Variants in ASIC2 observed in about 807,000 individuals in gnomAD.
ASIC2 encodes the protein acid-sensing ion channel 2.
A neutral mutation model predicts 57.3 loss-of-function variants in ASIC2; 25 were observed. The ratio of observed to expected loss-of-function variants is 0.44; its 90% CI spans 0.32 to 0.61. The LOEUF (loss-of-function observed/expected upper bound fraction) is 0.61. Among genes scored for constraint, ASIC2 ranks in the 20% least tolerant of loss-of-function variants. The pLI, the probability that ASIC2 is intolerant of heterozygous loss-of-function variation, is 0.06. For missense variants in ASIC2, 641 were observed against 738.1 expected (o/e 0.87, Z 1.52); for synonymous variants, 319 against 307.5 (o/e 1.04, Z -0.39).
In ASIC2 at chr17:34,036,687, T is replaced by G. The variant is rs1044906184; in HGVS notation, c.555+119291A>C. The G allele has an allele frequency of 8.2e-4, 116 of 141,848 alleles. 3 individuals carry two copies. The highest frequency in any genetic ancestry group is 2.8e-3 in the African/African-American group (106 of 37,264). The allele number at this position is 141,848 out of a possible 1,614,324, so 8.8% of individuals were successfully genotyped here. A position where few individuals can be genotyped will look rare whatever the true frequency, so the allele number is the denominator to read the frequency against. ...TATTGATACTTTGAATTTGTTTTTT[T>G]TTTTTTTTTTTTTTTTTGCATGGAC... On this transcript the variant is annotated intron_variant, in intron 1 of 9. Coordinates refer to the ASIC2 transcript ENST00000359872.
At chr17:33,349,306 TTG>T (rs1390371101) in intron 1 of ASIC2, among the ~76,000 whole-genome samples, 5 of 152,168 alleles carry the variant, frequency 3.3e-5, no homozygotes, top group African/African-American at 1.2e-4. Flanking sequence ...TGTGTGAGGG[TTG>T]AATTCTGCTT....
chr17:34,075,791 A>G (rs1384192019), intron 1 of ASIC2, among the ~76,000 whole-genome samples: 1 of 144,952 alleles, frequency 6.9e-6, no homozygotes, highest in Non-Finnish European at 1.5e-5. Flanking sequence ...TCCTCCAGAC[A>G]TCCTCACCTC....
chr17:33,376,960 A>G (rs1909300734), intron 1 of ASIC2, among the ~76,000 whole-genome samples: 1 of 152,236 alleles, frequency 6.6e-6, no homozygotes, highest in African/African-American at 2.4e-5. Context: ...GAAATTAAGG[A>G]TCAAAGAGGC....
intron 1 of ASIC2, among the ~76,000 whole-genome samples, chr17:33,223,346 C>G (rs1021946441): frequency 6.6e-5 from 10 of 152,066 alleles, no homozygotes; most frequent in African/African-American, 2.2e-4. Context: ...CTATGCCTGG[C>G]TAATTTTGTA....
chr17:33,360,033 C>T (rs985232559), intron 1 of ASIC2, among the ~76,000 whole-genome samples: 1 of 152,122 alleles, frequency 6.6e-6, no homozygotes, highest in Non-Finnish European at 1.5e-5. Context: ...CAATACACCC[C>T]CTATCCAGGA....
intron 1 of ASIC2, among the ~76,000 whole-genome samples, chr17:33,554,794 G>A (rs1915854838): frequency 6.6e-6 from 1 of 152,146 alleles, no homozygotes; most frequent in Non-Finnish European, 1.5e-5. Flanking sequence ...GCTGGGGGAA[G>A]TAAGGCTGAG....
At chr17:33,486,505 C>T (rs1029905736) in intron 1 of ASIC2, among the ~76,000 whole-genome samples, 1 of 152,122 alleles carries the variant, frequency 6.6e-6, no homozygotes, top group African/African-American at 2.4e-5. Flanking sequence ...AAAGCATGGA[C>T]GAATCACTTT....
intron 1 of ASIC2, among the ~76,000 whole-genome samples, chr17:33,646,554 G>T (rs900118938): frequency 3.3e-5 from 5 of 152,168 alleles, no homozygotes; most frequent in African/African-American, 1.2e-4. Flanking sequence ...TAGAGACAGT[G>T]AGTCCCCTTC....
At chr17:33,765,355 G>A (rs1160866130) in intron 1 of ASIC2, among the ~76,000 whole-genome samples, 3 of 152,060 alleles carry the variant, frequency 2.0e-5, no homozygotes, top group Non-Finnish European at 4.4e-5. Context: ...TGATCCACCC[G>A]CCTCGGCCTC....
At chr17:33,672,738 C>A (rs117548405) in intron 1 of ASIC2, among the ~76,000 whole-genome samples, 1 of 152,270 alleles carries the variant, frequency 6.6e-6, no homozygotes, top group Non-Finnish European at 1.5e-5. Flanking sequence ...TTCAAGTTCT[C>A]CTTATAGGAC....
At chr17:33,593,944 C>T (rs1038598513) in intron 1 of ASIC2, among the ~76,000 whole-genome samples, 1 of 152,186 alleles carries the variant, frequency 6.6e-6, no homozygotes, top group Non-Finnish European at 1.5e-5. Flanking sequence ...GTTTTAAAGA[C>T]CTCTGTAAGG....
At chr17:33,871,922 G>GGA (rs143329103) in intron 1 of ASIC2, among the ~76,000 whole-genome samples, 1 of 151,832 alleles carries the variant, frequency 6.6e-6, no homozygotes, top group African/African-American at 2.4e-5. Context: ...CTCTGCAGAG[G>GGA]GAGAGAGAGA....
chr17:33,212,241 G>A (rs1424453395), intron 1 of ASIC2, among the ~76,000 whole-genome samples: 1 of 152,194 alleles, frequency 6.6e-6, no homozygotes, highest in Non-Finnish European at 1.5e-5. Context: ...AGCTCCTTGA[G>A]ATAAGAAGAT....
At chr17:33,610,994 C>G (rs1392499928) in intron 1 of ASIC2, among the ~76,000 whole-genome samples, 1 of 152,220 alleles carries the variant, frequency 6.6e-6, no homozygotes, top group East Asian at 1.9e-4. Context: ...ATCTAGGAAT[C>G]TGGTGGACCA....
At chr17:33,639,819 G>A (rs1257783506) in intron 1 of ASIC2, among the ~76,000 whole-genome samples, 1 of 150,226 alleles carries the variant, frequency 6.7e-6, no homozygotes, top group African/African-American at 2.4e-5. Flanking sequence ...TAGAGCCAGC[G>A]GCCAGTATTC....
At chr17:33,380,613 T>C (rs1373476530) in intron 1 of ASIC2, among the ~76,000 whole-genome samples, 2 of 152,190 alleles carry the variant, frequency 1.3e-5, no homozygotes, top group East Asian at 3.9e-4. Context: ...CGCTGGAAAG[T>C]GGTCATCAGC....
At chr17:33,900,021 C>T (rs1915196861) in intron 1 of ASIC2, among the ~76,000 whole-genome samples, 3 of 152,200 alleles carry the variant, frequency 2.0e-5, no homozygotes, top group African/African-American at 7.2e-5. Context: ...TAATTACTTC[C>T]TTGTAACATG....
chr17:33,779,125 C>T (rs1401219084), intron 1 of ASIC2, among the ~76,000 whole-genome samples: 1 of 152,152 alleles, frequency 6.6e-6, no homozygotes, highest in Non-Finnish European at 1.5e-5. Flanking sequence ...GACGGCCATG[C>T]AATCAGAAGG....
chr17:34,073,683 C>T (rs1041820907), intron 1 of ASIC2, among the ~76,000 whole-genome samples: 1 of 152,194 alleles, frequency 6.6e-6, no homozygotes, highest in Non-Finnish European at 1.5e-5. Flanking sequence ...TTTTGACTTA[C>T]CTACTTTATT....
Sources: allele counts gnomAD v4.1 joint callset (sites outside exome capture counted in the v4.1 genomes callset), GRCh38; gene constraint gnomAD v4.1.1; transcripts MANE v1.5; gene names NCBI Gene and HGNC (gene_info 2026-07-23, HGNC 2026-07-21).